The following UBASH3B variants were observed in gnomAD, a reference collection of about 807,000 sequenced individuals.
UBASH3B encodes ubiquitin associated and SH3 domain containing B, also known as ubiquitin-associated and SH3 domain-containing protein B.
Under a neutral mutation model 83.4 loss-of-function variants are expected in UBASH3B, and 37 were observed. That is an observed-to-expected ratio of 0.44 (90% CI 0.34 to 0.58). The LOEUF (loss-of-function observed/expected upper bound fraction) is 0.58. Ranked by LOEUF, UBASH3B falls within the 20% of genes least tolerant of loss-of-function variation. UBASH3B has a pLI of 0.01. For synonymous variants in UBASH3B, 304 were observed against 318.3 expected (o/e 0.96, Z 0.48); for missense variants, 657 against 827.2 (o/e 0.79, Z 2.52).
intron 1 of UBASH3B, among the ~76,000 whole-genome samples, chr11:122,685,848 A>G (rs1390430727): frequency 6.6e-6 from 1 of 152,080 alleles, no homozygotes; most frequent in Non-Finnish European, 1.5e-5. Flanking sequence ...AGCTCGTTAC[A>G]TTTTCAAAGC....
In UBASH3B at chr11:122,789,189, G is replaced by A; in HGVS notation, c.861G>A (p.Glu287=). 6.2e-7 allele frequency: 1 copy of A among 1,614,196 alleles called. No individual in the cohort carries two copies. Among genetic ancestry groups the A allele is most frequent in the Non-Finnish European group, 8.5e-7 (1 of 1,180,052 alleles). Residue 287 remains glutamate, a synonymous_variant, in exon 6 of 14, where the codon GAG becomes GAA. Coordinates refer to ENST00000284273, the MANE Select transcript of UBASH3B (RefSeq NM_032873.5). ...ACTTCATCTTCATGTCTCCAATGGA[G>A]CAGACCAGCACCAGCGAGGGTTGGA... is the stretch of plus-strand genomic sequence containing the variant. ...PGDFIFMSPM[E]QTSTSEGWIY...
At chr11:122,799,238 C>T (rs571406235) in intron 10 of UBASH3B, among the ~76,000 whole-genome samples, 31 of 152,276 alleles carry the variant, frequency 2.0e-4, no homozygotes, top group African/African-American at 7.5e-4. Flanking sequence ...TGCCTGTAAT[C>T]CCAGCACTTT....
chr11:122,757,482 T>C (rs1460570062), intron 1 of UBASH3B, among the ~76,000 whole-genome samples: 1 of 152,164 alleles, frequency 6.6e-6, no homozygotes, highest in African/African-American at 2.4e-5. Flanking sequence ...CACTTTGTCG[T>C]AGAAGCACAA....
At position 122,789,175 on chromosome 11, in the gene UBASH3B, A is replaced by T. The variant is rs558339987; in HGVS notation, c.847A>T (p.Met283Leu). ...GCTGGTCCCCGGGGACTTCATCTTC[A>T]TGTCTCCAATGGAGCAGACCAGCAC... ...LELVPGDFIF[M>L]SPMEQTSTSE... The change falls in exon 6 of 14, where the codon ATG (methionine) becomes TTG (leucine). Residue 283 changes from methionine to leucine, a missense_variant. Met to Leu is a conservative substitution (Grantham distance 15, BLOSUM62 2). Coordinates refer to ENST00000284273, the MANE Select transcript of UBASH3B (RefSeq NM_032873.5). 3 of 1,614,078 alleles carry T rather than the reference A, an allele frequency of 1.9e-6. No homozygotes were observed. In the African/African-American group the frequency reaches 4.0e-5, roughly 22 times the overall value.
chr11:122,656,320 C>A (rs997097180), intron 1 of UBASH3B, 110 bp downstream of exon 1: 16 of 1,146,078 alleles, frequency 1.4e-5, no homozygotes, highest in Non-Finnish European at 1.8e-5. Flanking sequence ...GCGCGCTCCC[C>A]GCTGCCCGAG....
intron 1 of UBASH3B, among the ~76,000 whole-genome samples, chr11:122,742,068 C>T (rs1324142815): frequency 1.3e-5 from 2 of 152,208 alleles, no homozygotes; most frequent in Admixed American, 6.5e-5. Context: ...ACAGCGGCAA[C>T]GAAATCTGGA....
At chr11:122,698,327 C>T (rs1863990056) in intron 1 of UBASH3B, among the ~76,000 whole-genome samples, 2 of 152,234 alleles carry the variant, frequency 1.3e-5, no homozygotes, top group South Asian at 2.1e-4. Context: ...TTTCTATCTT[C>T]TGTTGCTCCC....
intron 12 of UBASH3B, 30 bp from the exon 13 acceptor site, chr11:122,808,037 G>C (rs1417120228): frequency 6.5e-7 from 1 of 1,550,338 alleles, no homozygotes. Context: ...TATAGAAACA[G>C]TCTTCCCATA....
chr11:122,763,384 G>C (rs1860477874), intron 1 of UBASH3B, among the ~76,000 whole-genome samples: 1 of 152,132 alleles, frequency 6.6e-6, no homozygotes, highest in South Asian at 2.1e-4. Context: ...AACCTAAACA[G>C]CATTTTCCCT....
intron 1 of UBASH3B, among the ~76,000 whole-genome samples, chr11:122,710,296 G>T (rs1395136333): frequency 6.6e-6 from 1 of 152,182 alleles, no homozygotes; most frequent in Non-Finnish European, 1.5e-5. Flanking sequence ...TTTAGGAAAG[G>T]CATTTAGGAG....
chr11:122,690,065 C>G (rs952447223), intron 1 of UBASH3B, among the ~76,000 whole-genome samples: 7 of 150,284 alleles, frequency 4.7e-5, no homozygotes, highest in Non-Finnish European at 8.9e-5. Flanking sequence ...GTCTTCTGAC[C>G]CACAGTCAGA....
At chr11:122,756,874 C>T (rs1447189417) in intron 1 of UBASH3B, among the ~76,000 whole-genome samples, 2 of 152,208 alleles carry the variant, frequency 1.3e-5, no homozygotes, top group Non-Finnish European at 2.9e-5. Context: ...GACAGAGACT[C>T]AGCATGGTAA....
chr11:122,721,378 G>T (rs1038658570), intron 1 of UBASH3B, among the ~76,000 whole-genome samples: 1 of 152,158 alleles, frequency 6.6e-6, no homozygotes, highest in Admixed American at 6.5e-5. Context: ...CACTACGGGG[G>T]GGTGGGAGTG....
At position 122,806,581 on chromosome 11, in the gene UBASH3B, G is replaced by C; in HGVS notation, c.1702+65G>C. The stretch of plus-strand genomic sequence containing the variant: ...ATTATTTCTCTATAATGGTTAATAG[G>C]TTATTCAAGATGTTTCAACTTGCTT... On this transcript the variant is annotated intron_variant, in intron 12 of 13. Coordinates refer to ENST00000284273, the MANE Select transcript of UBASH3B (RefSeq NM_032873.5). This position sits in a 1 kb window ranked among gnomAD's most constrained non-coding sequence, Gnocchi z 4.0. 1 of 1,440,148 alleles carries C rather than the reference G, an allele frequency of 6.9e-7. No individual in the cohort carries two copies. Among genetic ancestry groups the C allele is most frequent in the Non-Finnish European group, 9.1e-7 (1 of 1,097,992 alleles). The allele number at this position is 1,440,148 out of a possible 1,614,324, so 89.2% of individuals were successfully genotyped here.
At chr11:122,784,575 G>A (rs570080943) in intron 5 of UBASH3B, among the ~76,000 whole-genome samples, 2 of 152,242 alleles carry the variant, frequency 1.3e-5, no homozygotes, top group East Asian at 1.9e-4. Flanking sequence ...ACTTATATTT[G>A]TTTCCCAATT....
chr11:122,725,841 G>C (rs546556920), intron 1 of UBASH3B, among the ~76,000 whole-genome samples: 1 of 151,794 alleles, frequency 6.6e-6, no homozygotes, highest in East Asian at 1.9e-4. Context: ...TTATAGGTGT[G>C]CACCACCACG....
chr11:122,721,929 T>C (rs1170049725), intron 1 of UBASH3B, among the ~76,000 whole-genome samples: 1 of 152,214 alleles, frequency 6.6e-6, no homozygotes, highest in Non-Finnish European at 1.5e-5. Context: ...AAGAATGACA[T>C]TCATAGAAGA....
chr11:122,694,203 A>G (rs181016000), intron 1 of UBASH3B, among the ~76,000 whole-genome samples: 30 of 149,082 alleles, frequency 2.0e-4, no homozygotes, highest in Non-Finnish European at 3.8e-4. Flanking sequence ...AGTACTTGTT[A>G]ATCTCTTTTT....
chr11:122,756,954 CG>C (rs1565553821), intron 1 of UBASH3B, among the ~76,000 whole-genome samples: 4 of 152,176 alleles, frequency 2.6e-5, no homozygotes. Flanking sequence ...CTTGCCTCCG[CG>C]GGTCTTAGTT....
Sources: allele counts gnomAD v4.1 joint callset (sites outside exome capture counted in the v4.1 genomes callset), GRCh38; gene constraint gnomAD v4.1.1; non-coding constraint Gnocchi (gnomAD v3.1); transcripts MANE v1.5; gene names NCBI Gene and HGNC (gene_info 2026-07-23, HGNC 2026-07-21).